NAV2: variants seen among roughly 807,000 people sequenced by gnomAD.
NAV2 encodes the protein neuron navigator 2.
A neutral mutation model predicts 223.2 loss-of-function variants in NAV2; 54 were observed. The observed-to-expected ratio is 0.24, with a 90% CI of 0.19 to 0.30. The LOEUF (loss-of-function observed/expected upper bound fraction) is 0.30. Among genes scored for constraint, NAV2 ranks in the 10% least tolerant of loss-of-function variants. The pLI, the probability that NAV2 is intolerant of heterozygous loss-of-function variation, is 1.00. For synonymous variants in NAV2, 1,279 were observed against 1,239.3 expected (o/e 1.03, Z -0.67); for missense variants, 2,806 against 3,147.5 (o/e 0.89, Z 2.60).
chr11:19,904,371 G>A lies in NAV2; in HGVS notation c.931+11777G>A, dbSNP rs112128695. Among the ~76,000 whole-genome samples, 1,094 of 152,114 alleles carry A rather than the reference G, an allele frequency of 7.2e-3. 19 individuals are homozygous for A. Among genetic ancestry groups the A allele is most frequent in the African/African-American group, 0.025 (1,040 of 41,512 alleles). On this transcript the variant is annotated intron_variant, in intron 6 of 37. Transcript: ENST00000349880. ...CTGATGGAAGAGACAGTAAACAAAT[G>A]CAAACAGTATCATTACATTTTGTGG...
chr11:19,832,637 CA>C, intron 2 of NAV2, 36 bp downstream of exon 2: 2 of 1,551,542 alleles, frequency 1.3e-6, no homozygotes, highest in Non-Finnish European at 1.8e-6. Flanking sequence ...TAATGAGTTA[CA>C]GTGGAGCCAT....
intron 1 of NAV2, among the ~76,000 whole-genome samples, chr11:19,522,336 G>A (rs1220110673): frequency 6.6e-6 from 1 of 152,186 alleles, no homozygotes; most frequent in Non-Finnish European, 1.5e-5. Context: ...TATTCTTTTT[G>A]ATAGAGAGAG....
intron 1 of NAV2, among the ~76,000 whole-genome samples, chr11:19,530,940 G>A (rs2134425011): frequency 6.6e-6 from 1 of 152,296 alleles, no homozygotes; most frequent in Middle Eastern, 3.4e-3. Flanking sequence ...TCCCTTGAAA[G>A]CATTATCCTG....
intron 1 of NAV2, among the ~76,000 whole-genome samples, chr11:19,755,335 T>A (rs2054150273): frequency 6.6e-6 from 1 of 152,212 alleles, no homozygotes; most frequent in African/African-American, 2.4e-5. Flanking sequence ...TCTATTTTTT[T>A]AAAATGTGTA....
intron 1 of NAV2, among the ~76,000 whole-genome samples, chr11:19,739,283 A>G (rs1335942514): frequency 6.6e-6 from 1 of 152,244 alleles, no homozygotes; most frequent in African/African-American, 2.4e-5. Context: ...ACATTCATAT[A>G]TACTAGATTC....
intron 1 of NAV2, among the ~76,000 whole-genome samples, chr11:19,647,633 T>C (rs1467356597): frequency 1.3e-5 from 2 of 152,156 alleles, no homozygotes; most frequent in Non-Finnish European, 2.9e-5. Context: ...CTCTTGAACC[T>C]GGACTTGGAC....
intron 1 of NAV2, among the ~76,000 whole-genome samples, chr11:19,455,069 G>A (rs2133818470): frequency 6.6e-6 from 1 of 152,300 alleles, no homozygotes; most frequent in South Asian, 2.1e-4. Flanking sequence ...TAATTCAGAT[G>A]TACCTGAGAG....
At chr11:20,021,879 C>T (rs894506949) in intron 11 of NAV2, among the ~76,000 whole-genome samples, 20 of 152,334 alleles carry the variant, frequency 1.3e-4, no homozygotes, top group Admixed American at 4.6e-4. Context: ...TTTATTCCCT[C>T]CCTTTTCAGT....
At chr11:19,515,225 T>A (rs1020650794) in intron 1 of NAV2, among the ~76,000 whole-genome samples, 5 of 152,226 alleles carry the variant, frequency 3.3e-5, no homozygotes, top group Non-Finnish European at 5.9e-5. Context: ...CAATGTCTGG[T>A]ACACAGGAGT....
At chr11:19,615,249 G>C (rs2046759321) in intron 1 of NAV2, among the ~76,000 whole-genome samples, 1 of 151,550 alleles carries the variant, frequency 6.6e-6, no homozygotes, top group Non-Finnish European at 1.5e-5. Context: ...ATAATGACCA[G>C]AGTTTTTCAC....
chr11:19,952,604 G>A (rs541624326), intron 10 of NAV2, among the ~76,000 whole-genome samples: 1 of 152,328 alleles, frequency 6.6e-6, no homozygotes, highest in African/African-American at 2.4e-5. Flanking sequence ...AAAGTTTATA[G>A]TAAGTTTATT....
At chr11:19,548,803 G>T (rs373821477) in intron 1 of NAV2, among the ~76,000 whole-genome samples, 1 of 149,884 alleles carries the variant, frequency 6.7e-6, no homozygotes, top group East Asian at 1.9e-4. Flanking sequence ...GCGTGAACCC[G>T]GAAGGCGGAG....
chr11:19,534,237 T>C (rs1277040667), intron 1 of NAV2, among the ~76,000 whole-genome samples: 2 of 152,158 alleles, frequency 1.3e-5, no homozygotes, highest in Non-Finnish European at 2.9e-5. Flanking sequence ...TGCTTATTTG[T>C]TTATTGCTTG....
chr11:19,985,449 C>T (rs2050695876), intron 11 of NAV2, among the ~76,000 whole-genome samples: 1 of 152,100 alleles, frequency 6.6e-6, no homozygotes, highest in East Asian at 1.9e-4. Context: ...AAAAGGCCTT[C>T]CACTAGGGTT....
intron 26 of NAV2, among the ~76,000 whole-genome samples, chr11:20,088,159 G>A (rs2060575405): frequency 6.6e-6 from 1 of 152,140 alleles, no homozygotes; most frequent in Non-Finnish European, 1.5e-5. Flanking sequence ...GCTTAGTTAA[G>A]GCTGCTGCAA....
intron 1 of NAV2, among the ~76,000 whole-genome samples, chr11:19,626,430 G>A (rs568035849): frequency 7.2e-5 from 11 of 152,302 alleles, no homozygotes; most frequent in Admixed American, 1.3e-4. Context: ...GGTTGCTACA[G>A]CTCTGTAGTA....
intron 1 of NAV2, among the ~76,000 whole-genome samples, chr11:19,684,298 C>A (rs7943926): frequency 0.12 from 18,074 of 152,142 alleles, 1,360 homozygotes; most frequent in African/African-American, 0.2. Context: ...ACAATGTCCT[C>A]CCATCATTTC....
In NAV2 at chr11:19,933,969, A is replaced by G; in HGVS notation, c.1725A>G (p.Lys575=). 6.3e-7 allele frequency: 1 copy of G among 1,597,340 alleles called. No individual in the cohort carries two copies. Among genetic ancestry groups the G allele is most frequent in the South Asian group, 1.1e-5 (1 of 88,370 alleles). Reference sequence around the variant, plus strand: ...CAGGAATGAAAAGCATGCCCGGGAAATCCCCAAGTGCCCCAGCGCCTTCCA... The same window carrying G: ...CAGGAATGAAAAGCATGCCCGGGAAGTCCCCAAGTGCCCCAGCGCCTTCCA... The part of the protein sequence containing the change: ...PKPGMKSMPG[K]SPSAPAPSKE... Residue 575 remains lysine (K), a synonymous_variant, in exon 7 of 38, where the codon AAA becomes AAG. Transcript: ENST00000349880. This position sits in a 1 kb window ranked among gnomAD's most constrained non-coding sequence, Gnocchi z 4.3.
chr11:19,827,097 G>A (rs1253488000), intron 1 of NAV2, among the ~76,000 whole-genome samples: 1 of 152,204 alleles, frequency 6.6e-6, no homozygotes, highest in Non-Finnish European at 1.5e-5. Flanking sequence ...GCCTCAGGCA[G>A]CAGAGGCACC....
Sources: gnomAD v4.1 joint callset for allele counts (sites outside exome capture counted in the v4.1 genomes callset) on GRCh38, gnomAD v4.1.1 for gene constraint, Gnocchi (gnomAD v3.1) non-coding constraint, MANE v1.5 for transcripts, NCBI Gene and HGNC (gene_info 2026-07-23, HGNC 2026-07-21) for gene names.